The following ETNK1 variants were observed in gnomAD, a reference collection of about 807,000 sequenced individuals.
ETNK1 encodes putative protein product of Nbla10396.
ETNK1 carries 8 observed loss-of-function variants against 45.1 expected under a neutral mutation model. The ratio of observed to expected loss-of-function variants is 0.18; its 90% confidence interval spans 0.10 to 0.32. ETNK1 has a LOEUF of 0.32. Ranked by LOEUF, ETNK1 falls within the 10% of genes least tolerant of loss-of-function variation. ETNK1 has a pLI of 1.00. For synonymous variants in ETNK1, 152 were observed against 151.9 expected (o/e 1.00, Z -0.01); for missense variants, 302 against 430.6 (o/e 0.70, Z 2.64).
At chr12:22,634,015 T>C (rs1953619711) in intron 1 of ETNK1, among the ~76,000 whole-genome samples, 1 of 152,126 alleles carries the variant, frequency 6.6e-6, no homozygotes, top group Non-Finnish European at 1.5e-5. Flanking sequence ...ATAGTGGTCA[T>C]TTTTATTTCC....
At position 22,640,690 on chromosome 12, in the gene ETNK1, G is replaced by A. The variant is rs779712796; in HGVS notation, c.157-3073G>A. On this transcript the variant is annotated intron_variant, in intron 1 of 7. Coordinates refer to ENST00000266517, the MANE Select transcript of ETNK1 (RefSeq NM_018638.5). ...ACTAATCTTCAGAACAATGCAAGAA[G>A]TAGGTTCTAATGTACTGATTTTATA... Among the ~76,000 whole-genome samples the A allele has an allele frequency of 3.3e-5, 5 of 151,950 alleles. 1 individual carries two copies. Among genetic ancestry groups the A allele is most frequent in the South Asian group, 4.1e-4 (2 of 4,828 alleles).
intron 2 of ETNK1, chr12:22,644,309 T>C (rs1953779157): frequency 1.3e-6 from 2 of 1,594,234 alleles, no homozygotes; most frequent in Non-Finnish European, 1.7e-6. Context: ...TTCTAGTTAG[T>C]GTTTGAGTTG....
chr12:22,678,822 G>A (rs1954186523), intron 6 of ETNK1, among the ~76,000 whole-genome samples: 2 of 152,208 alleles, frequency 1.3e-5, no homozygotes, highest in African/African-American at 4.8e-5. Flanking sequence ...GGCCTGTAGA[G>A]GCCTGAACTC....
At chr12:22,649,487 T>C (rs1438286404) in intron 2 of ETNK1, among the ~76,000 whole-genome samples, 2 of 152,136 alleles carry the variant, frequency 1.3e-5, no homozygotes, top group African/African-American at 2.4e-5. Context: ...TTCTCCATTA[T>C]ATTTCCTATG....
chr12:22,686,851 A>ATTTTTTTTTTTTTTTTTT lies in ETNK1; in HGVS notation c.*1908_*1925dup, dbSNP rs3983448. ...AGATAAAGAATGTGTAATACTCTTA[A>ATTTTTTTTTTTTTTTTTT]TTTTTTTTTTTTTTTTTTTTTTTTT... On this transcript the variant is annotated 3_prime_UTR_variant, in exon 8 of 8. Transcript: ENST00000266517. The ATTTTTTTTTTTTTTTTTT allele has an allele frequency of 1.4e-5, 1 of 69,268 alleles. No homozygotes were observed. Among genetic ancestry groups the ATTTTTTTTTTTTTTTTTT allele is most frequent in the Non-Finnish European group, 2.8e-5 (1 of 36,070 alleles). The allele number at this position is 69,268 out of a possible 1,614,324, so 4.3% of individuals were successfully genotyped here.
intron 2 of ETNK1, among the ~76,000 whole-genome samples, chr12:22,644,926 G>T (rs1953788375): frequency 6.6e-6 from 1 of 151,882 alleles, no homozygotes; most frequent in Non-Finnish European, 1.5e-5. Context: ...GAATTGCTAA[G>T]TTAATACACT....
At chr12:22,665,396 A>G (rs994959286) in intron 4 of ETNK1, among the ~76,000 whole-genome samples, 10 of 152,164 alleles carry the variant, frequency 6.6e-5, no homozygotes, top group African/African-American at 2.4e-4. Flanking sequence ...AGTTTGCTTT[A>G]TTTGTAACTT....
chr12:22,628,162 C>T (rs892146609), intron 1 of ETNK1, among the ~76,000 whole-genome samples: 2 of 152,070 alleles, frequency 1.3e-5, no homozygotes, highest in Non-Finnish European at 2.9e-5. Flanking sequence ...CACATGCATT[C>T]TCCCAACTAT....
chr12:22,677,322 A>G (rs995608525), intron 6 of ETNK1, among the ~76,000 whole-genome samples: 1 of 152,032 alleles, frequency 6.6e-6, no homozygotes, highest in African/African-American at 2.4e-5. Context: ...ATGGTTGTAG[A>G]TGTGTGGTGT....
At chr12:22,666,930 C>CG (rs1954058671) in intron 4 of ETNK1, among the ~76,000 whole-genome samples, 2 of 152,068 alleles carry the variant, frequency 1.3e-5, no homozygotes, top group Non-Finnish European at 2.9e-5. Flanking sequence ...GTTTTAATGA[C>CG]TGAGAAGAGT....
intron 6 of ETNK1, among the ~76,000 whole-genome samples, chr12:22,679,388 C>T (rs1011907221): frequency 1.3e-5 from 2 of 152,154 alleles, no homozygotes; most frequent in African/African-American, 2.4e-5. Context: ...AGTTATCCTA[C>T]CTTCTTCTGC....
At chr12:22,655,235 T>G (rs907386653) in intron 2 of ETNK1, among the ~76,000 whole-genome samples, 1 of 152,092 alleles carries the variant, frequency 6.6e-6, no homozygotes, top group Non-Finnish European at 1.5e-5. Context: ...CCCAAAGTGT[T>G]GGGATTACAG....
intron 3 of ETNK1, among the ~76,000 whole-genome samples, chr12:22,660,792 CTA>C (rs1294371513): frequency 4.0e-5 from 6 of 151,764 alleles, no homozygotes; most frequent in Admixed American, 3.9e-4. Flanking sequence ...TAACTATTAC[CTA>C]TATATATTAC....
chr12:22,637,590 G>T (rs928290106), intron 1 of ETNK1, among the ~76,000 whole-genome samples: 1 of 152,122 alleles, frequency 6.6e-6, no homozygotes, highest in Admixed American at 6.5e-5. Flanking sequence ...TTGCTGACTT[G>T]GATTCCTATT....
intron 1 of ETNK1, among the ~76,000 whole-genome samples, chr12:22,640,742 G>A (rs11046512): frequency 0.052 from 7,953 of 152,166 alleles, 662 homozygotes; most frequent in African/African-American, 0.18. Flanking sequence ...ACAGAGGGTT[G>A]GTGACTTGCC....
In ETNK1 at chr12:22,686,851, A is replaced by ATTTTTTTTTTTTTTTTTTTTTTT. The variant is rs3983448; in HGVS notation, c.*1903_*1925dup. The ATTTTTTTTTTTTTTTTTTTTTTT allele has an allele frequency of 1.4e-5, 1 of 69,262 alleles. No individual in the cohort carries two copies. The highest frequency in any genetic ancestry group is 5.9e-5 in the African/African-American group (1 of 17,068). 4.3% of individuals were successfully genotyped at this position (69,262 alleles called of 1,614,324 possible). A position where few individuals can be genotyped will look rare whatever the true frequency, so the allele number is the denominator to read the frequency against. ...AGATAAAGAATGTGTAATACTCTTA[A>ATTTTTTTTTTTTTTTTTTTTTTT]TTTTTTTTTTTTTTTTTTTTTTTTT... On this transcript the variant is annotated 3_prime_UTR_variant, in exon 8 of 8. Transcript: ENST00000266517.
intron 1 of ETNK1, among the ~76,000 whole-genome samples, chr12:22,632,863 A>T (rs908727272): frequency 1.3e-5 from 2 of 152,126 alleles, no homozygotes; most frequent in South Asian, 2.1e-4. Flanking sequence ...GTGTTTTTTT[A>T]AAATTTTGGT....
At position 22,668,073 on chromosome 12, in the gene ETNK1, A is replaced by G. The variant is rs909745860; in HGVS notation, c.701-3199A>G. ...TAAAGATAAATAAAATAACACACCT[A>G]GCCCTTAAAGTAGTAGTTCTTTACT... On this transcript the variant is annotated intron_variant, in intron 4 of 7. Transcript: ENST00000266517. 2.0e-5 allele frequency among the ~76,000 whole-genome samples: 3 copies of G among 152,342 alleles called. No individual in the cohort carries two copies. The South Asian group carries it at 6.2e-4, about 32-fold the overall frequency.
intron 6 of ETNK1, chr12:22,682,430 A>G (rs780586101): frequency 3.5e-5 from 9 of 257,796 alleles, no homozygotes; most frequent in Non-Finnish European, 7.2e-5. Flanking sequence ...TATATTAGTC[A>G]TTTTTTTCAA....
Sources: gnomAD v4.1 joint callset for allele counts (sites outside exome capture counted in the v4.1 genomes callset) on GRCh38, gnomAD v4.1.1 for gene constraint, MANE v1.5 for transcripts, NCBI Gene and HGNC (gene_info 2026-07-23, HGNC 2026-07-21) for gene names.